RNF19A: variants seen among roughly 807,000 people sequenced by gnomAD.
RNF19A encodes the protein ring finger protein 19A, RBR E3 ubiquitin protein ligase.
RNF19A carries 32 observed loss-of-function variants against 75.7 expected under a neutral mutation model. The observed-to-expected ratio is 0.42, with a 90% confidence interval of 0.32 to 0.57. The LOEUF (loss-of-function observed/expected upper bound fraction) is 0.57. Ranked by LOEUF, RNF19A falls within the 20% of genes least tolerant of loss-of-function variation. The pLI, the probability that RNF19A is intolerant of heterozygous loss-of-function variation, is 0.10. For synonymous variants in RNF19A, 335 were observed against 345.2 expected (o/e 0.97, Z 0.33); for missense variants, 782 against 1,036.3 (o/e 0.75, Z 3.37).
intron 1 of RNF19A, among the ~76,000 whole-genome samples, chr8:100,302,191 A>G (rs563819161): frequency 6.6e-6 from 1 of 152,376 alleles, no homozygotes; most frequent in Admixed American, 6.5e-5. Flanking sequence ...CTAAGTTTAA[A>G]AGGATCATTC....
At position 100,309,474 on chromosome 8, in the gene RNF19A, C is replaced by A. The variant is rs115110219; in HGVS notation, c.-94+393G>T. 1.3e-5 allele frequency: 13 copies of A among 985,552 alleles called. No homozygotes were observed. The East Asian group carries it at 1.4e-3, about 103-fold the overall frequency. The allele number at this position is 985,552 out of a possible 1,614,324, so 61.1% of individuals were successfully genotyped here. On this transcript the variant is annotated intron_variant, in intron 1 of 9. Coordinates refer to ENST00000341084, the MANE Select transcript of RNF19A (RefSeq NM_183419.4). ...CCGCGGCAACCGCCCTTGGGTCTCC[C>A]CCGCTTTAGGGGCAGGAGACAGCTC...
At position 100,264,999 on chromosome 8, in the gene RNF19A, G is replaced by A. The variant is rs1441769767; in HGVS notation, c.1192-214C>T. 2.6e-5 allele frequency among the ~76,000 whole-genome samples: 4 copies of A among 152,072 alleles called. No homozygotes were observed. The highest frequency in any genetic ancestry group is 5.9e-5 in the Non-Finnish European group (4 of 68,012). ...AATTTGCTTAAGACAGTGATTTAAT[G>A]GATTTTACTTTGTGCTTAAAAGTTC... On this transcript the variant is annotated intron_variant, in intron 5 of 9. Coordinates refer to ENST00000341084, the MANE Select transcript of RNF19A (RefSeq NM_183419.4). The surrounding 1 kb of genome is among the most constrained non-coding windows in gnomAD (Gnocchi z 4.7).
At chr8:100,334,684 T>C (rs926881123) in intron 1 of RNF19A, among the ~76,000 whole-genome samples, 7 of 152,330 alleles carry the variant, frequency 4.6e-5, no homozygotes, top group Admixed American at 2.6e-4. Context: ...AACGGTTTCA[T>C]TGAGTCCCAC....
In RNF19A at chr8:100,316,757, C is replaced by T. The variant is rs185944592; in HGVS notation, c.-242-3385G>A. Among the ~76,000 whole-genome samples the T allele has an allele frequency of 4.4e-4, 67 of 152,360 alleles. No homozygotes were observed. The East Asian group carries it at 0.01, about 23-fold the overall frequency. The stretch of plus-strand genomic sequence containing the variant: ...TGCAGTTGGAGCTGCCTGCCAGTCC[C>T]GCACCGTGCGCTCTCGCACTCCTCA... On this transcript the variant is annotated intron_variant, in intron 1 of 3. Transcript: ENST00000519527.
At chr8:100,273,298 C>T (rs1563841097) in intron 3 of RNF19A, among the ~76,000 whole-genome samples, 1 of 152,148 alleles carries the variant, frequency 6.6e-6, no homozygotes, top group East Asian at 1.9e-4. Flanking sequence ...TCATAATTAC[C>T]CTCAAAGCTC....
intron 1 of RNF19A, among the ~76,000 whole-genome samples, chr8:100,291,584 T>G (rs988002798): frequency 2.0e-5 from 3 of 152,186 alleles, no homozygotes; most frequent in African/African-American, 7.2e-5. Flanking sequence ...TAGCCACCTA[T>G]CTGCCTAAAT....
intron 1 of RNF19A, among the ~76,000 whole-genome samples, chr8:100,301,947 C>G (rs1394111845): frequency 6.6e-6 from 1 of 152,070 alleles, no homozygotes; most frequent in Non-Finnish European, 1.5e-5. Flanking sequence ...GAAAGAGCAT[C>G]CAAGGCACAG....
chr8:100,264,652 CT>C lies in RNF19A; in HGVS notation c.1306+18del, dbSNP rs1340247033. 2.7e-6 allele frequency: 4 copies of C among 1,499,412 alleles called. No homozygotes were observed. The highest frequency in any genetic ancestry group is 1.4e-5 in the African/African-American group (1 of 72,106). 92.9% of individuals were successfully genotyped at this position (1,499,412 alleles called of 1,614,324 possible). ...TCCATAAAATTGTAGGTAATTAGTA[CT>C]TTTCAGCATTTTCTTACCTACAGTC... On this transcript the variant is annotated intron_variant, in intron 6 of 9. Transcript: ENST00000341084. This position sits in a 1 kb window ranked among gnomAD's most constrained non-coding sequence, Gnocchi z 4.7.
At chr8:100,295,554 T>A (rs1333919254) in intron 1 of RNF19A, among the ~76,000 whole-genome samples, 1 of 152,160 alleles carries the variant, frequency 6.6e-6, no homozygotes. Flanking sequence ...ACATAAACGT[T>A]CCTAAGGCAA....
chr8:100,263,076 G>T (rs1819800869), intron 7 of RNF19A, among the ~76,000 whole-genome samples: 1 of 152,168 alleles, frequency 6.6e-6, no homozygotes, highest in African/African-American at 2.4e-5. Flanking sequence ...AAAGAGGAAA[G>T]TTACACATGC....
chr8:100,308,214 G>A (rs1300959265), intron 1 of RNF19A, among the ~76,000 whole-genome samples: 1 of 152,046 alleles, frequency 6.6e-6, no homozygotes, highest in African/African-American at 2.4e-5. Context: ...GACACCTTGC[G>A]ATGACATTAA....
At position 100,333,646 on chromosome 8, in the gene RNF19A, A is replaced by G. The variant is rs1307822296; in HGVS notation, c.-243+2462T>C. 2.0e-5 allele frequency among the ~76,000 whole-genome samples: 3 copies of G among 152,196 alleles called. No individual in the cohort carries two copies. The highest frequency in any genetic ancestry group is 7.2e-5 in the African/African-American group (3 of 41,450). On this transcript the variant is annotated intron_variant, in intron 1 of 3. Coordinates refer to the RNF19A transcript ENST00000519527. The surrounding 1 kb of genome is among the most constrained non-coding windows in gnomAD (Gnocchi z 4.7). The stretch of plus-strand genomic sequence containing the variant: ...TGCCTGGGCAACATAGCAAGAGCCC[A>G]TCTCTAAAAATTTTTTTAAAACAAT...
At chr8:100,286,966 T>G (rs979898774) in intron 2 of RNF19A, among the ~76,000 whole-genome samples, 8 of 152,136 alleles carry the variant, frequency 5.3e-5, no homozygotes, top group African/African-American at 1.9e-4. Flanking sequence ...TTGAGGCAAA[T>G]CCAATATTAC....
chr8:100,293,123 A>T (rs1280825935), intron 1 of RNF19A, among the ~76,000 whole-genome samples: 3 of 152,196 alleles, frequency 2.0e-5, no homozygotes, highest in Non-Finnish European at 2.9e-5. Flanking sequence ...GAGCTCAGGC[A>T]ATAATGCTCA....
intron 1 of RNF19A, among the ~76,000 whole-genome samples, chr8:100,307,792 A>G (rs1360723456): frequency 2.6e-5 from 4 of 152,164 alleles, no homozygotes; most frequent in African/African-American, 4.8e-5. Flanking sequence ...AAGTGCATTT[A>G]CTTTCCACCA....
In RNF19A at chr8:100,317,907, A is replaced by C. The variant is rs1822407061; in HGVS notation, c.-242-4535T>G. ...TGTCCTGAGTTAGACAATAAATTACATGGTCACCCTGGTAATGAGCCTCAA... is the reference window on the plus strand; with the variant it reads ...TGTCCTGAGTTAGACAATAAATTACCTGGTCACCCTGGTAATGAGCCTCAA... On this transcript the variant is annotated intron_variant, in intron 1 of 3. Transcript: ENST00000519527. The surrounding 1 kb of genome is among the most constrained non-coding windows in gnomAD (Gnocchi z 4.3). Among the ~76,000 whole-genome samples, 1 of 152,106 alleles carries C rather than the reference A, an allele frequency of 6.6e-6. No individual in the cohort carries two copies. Among genetic ancestry groups the C allele is most frequent in the Non-Finnish European group, 1.5e-5 (1 of 68,018 alleles).
intron 1 of RNF19A, among the ~76,000 whole-genome samples, chr8:100,297,570 T>A (rs1438698067): frequency 9.9e-5 from 15 of 152,188 alleles, no homozygotes; most frequent in Admixed American, 9.8e-4. Flanking sequence ...GACCTCTAAA[T>A]CATCCCTGAA....
intron 1 of RNF19A, among the ~76,000 whole-genome samples, chr8:100,291,828 A>C (rs1821307732): frequency 6.6e-6 from 1 of 152,248 alleles, no homozygotes; most frequent in Non-Finnish European, 1.5e-5. Context: ...ATGTAAGAGC[A>C]GTGTACCTAT....
At position 100,284,065 on chromosome 8, in the gene RNF19A, T is replaced by C. The variant is rs1393145892; in HGVS notation, c.674+3436A>G. ...CTGGTACATAGGTGCATTAAATATT[T>C]GAATGATTATCTGATTTAAAAAAAA... On this transcript the variant is annotated intron_variant, in intron 2 of 9. Transcript: ENST00000341084. The surrounding 1 kb of genome is among the most constrained non-coding windows in gnomAD (Gnocchi z 4.3). 6.6e-6 allele frequency among the ~76,000 whole-genome samples: 1 copy of C among 152,032 alleles called. No homozygotes were observed. The highest frequency in any genetic ancestry group is 1.5e-5 in the Non-Finnish European group (1 of 67,998).
Sources: gnomAD v4.1 joint callset for allele counts (sites outside exome capture counted in the v4.1 genomes callset) on GRCh38, gnomAD v4.1.1 for gene constraint, Gnocchi (gnomAD v3.1) non-coding constraint, MANE v1.5 for transcripts, NCBI Gene and HGNC (gene_info 2026-07-23, HGNC 2026-07-21) for gene names.